The following KCNH3 variants were observed in gnomAD, a reference collection of about 807,000 sequenced individuals.
KCNH3 encodes potassium voltage-gated channel subfamily H member 3.
In KCNH3, 36 loss-of-function variants were observed where a neutral mutation model predicts 95.6. The observed-to-expected ratio is 0.38, with a 90% confidence interval of 0.29 to 0.50. KCNH3 has a LOEUF of 0.50. Among genes scored for constraint, KCNH3 ranks in the 20% least tolerant of loss-of-function variants. The pLI, the probability that KCNH3 is intolerant of heterozygous loss-of-function variation, is 0.95. For synonymous variants in KCNH3, 620 were observed against 646.3 expected (o/e 0.96, Z 0.62); for missense variants, 1,030 against 1,484.1 (o/e 0.69, Z 5.03).
At chr12:49,543,621 T>G (rs1352423607) in intron 5 of KCNH3, 103 bp downstream of exon 5, 38 of 1,427,584 alleles carry the variant, frequency 2.7e-5, no homozygotes, top group Non-Finnish European at 3.5e-5. Flanking sequence ...CCCCCCTCGC[T>G]CTCTCTCATT....
chr12:49,541,670 G>A lies in KCNH3; in HGVS notation c.351G>A (p.Lys117=). Residue 117 remains lysine, a synonymous_variant, in exon 3 of 15, where the codon AAG becomes AAA. Transcript: ENST00000257981. ...GTCTCCTGGATGTGATACCCATAAA[G>A]AATGAGAAAGGGGAGGTGGCTCTCT... ...FWCLLDVIPI[K]NEKGEVALFL... 6.2e-7 allele frequency: 1 copy of A among 1,614,224 alleles called. No individual in the cohort carries two copies. The highest frequency in any genetic ancestry group is 8.5e-7 in the Non-Finnish European group (1 of 1,180,048).
Position 49,542,703 on chromosome 12 carries a change from C to T in KCNH3, c.446-3C>T. ...ATCTTCATGGGCCCCTCTTCTTTCG[C>T]AGGTGGTGGCCGGCGCCGATATGGC... On this transcript the variant is annotated splice_polypyrimidine_tract_variant and splice_region_variant and intron_variant, in intron 3 of 14. Coordinates refer to ENST00000257981, the MANE Select transcript of KCNH3 (RefSeq NM_012284.3). 1 of 1,570,534 alleles carries T rather than the reference C, an allele frequency of 6.4e-7. No homozygotes were observed. Among genetic ancestry groups the T allele is most frequent in the Admixed American group, 1.9e-5 (1 of 53,812 alleles).
In KCNH3 at chr12:49,541,275, C is replaced by T. The variant is rs1382930287; in HGVS notation, c.310+143C>T. 4.3e-6 allele frequency: 3 copies of T among 693,360 alleles called. No individual in the cohort carries two copies. The African/African-American group carries it at 5.3e-5, about 12-fold the overall frequency. The allele number at this position is 693,360 out of a possible 1,614,324, so 43.0% of individuals were successfully genotyped here. A position where few individuals can be genotyped will look rare whatever the true frequency, so the allele number is the denominator to read the frequency against. On this transcript the variant is annotated intron_variant, in intron 2 of 14. Transcript: ENST00000257981. The stretch of plus-strand genomic sequence containing the variant: ...CCATCTTCCCATCCCCCCATCCAAC[C>T]CCTCTTGCTCCATCCCACCTCTTGC...
Position 49,555,891 on chromosome 12 carries a change from C to T in KCNH3, c.2408C>T (p.Ala803Val). 6.2e-7 allele frequency: 1 copy of T among 1,604,176 alleles called. No individual in the cohort carries two copies. Among genetic ancestry groups the T allele is most frequent in the Non-Finnish European group, 8.5e-7 (1 of 1,174,362 alleles). Residue 803 changes from alanine (A) to valine (V), a missense_variant, in exon 12 of 15, where the codon GCC becomes GTC. Ala to Val is a moderately conservative substitution (Grantham distance 64). This residue lies in a region of KCNH3 where 464 missense variants were observed against 493.2 expected (regional missense o/e 0.94). Coordinates refer to ENST00000257981, the MANE Select transcript of KCNH3 (RefSeq NM_012284.3). ...GCTGGCCCCTCTGCTCCCCCACGGG[C>T]CCTAGAGGGGCTACGGCTGCCCCCC... ...AEAGPSAPPR[A>V]LEGLRLPPMP...
intron 3 of KCNH3, 33 bp from the exon 4 acceptor site, chr12:49,542,673 C>G (rs998488050): frequency 1.3e-6 from 2 of 1,546,122 alleles, no homozygotes; most frequent in Admixed American, 2.0e-5. Flanking sequence ...GGGCACACAC[C>G]CATCATCTTC....
At chr12:49,541,280 T>C in intron 2 of KCNH3, 148 bp downstream of exon 2, 2 of 690,074 alleles carry the variant, frequency 2.9e-6, no homozygotes, top group East Asian at 5.5e-5. Context: ...CCAACCCCTC[T>C]TGCTCCATCC....
chr12:49,553,550 C>T lies in KCNH3; in HGVS notation c.1919-787C>T, dbSNP rs1351692863. Among the ~76,000 whole-genome samples the T allele has an allele frequency of 2.0e-5, 3 of 152,248 alleles. No individual in the cohort carries two copies. In the East Asian group the frequency reaches 5.8e-4, roughly 29 times the overall value. On this transcript the variant is annotated intron_variant, in intron 10 of 14. Coordinates refer to ENST00000257981, the MANE Select transcript of KCNH3 (RefSeq NM_012284.3). Reference sequence around the variant, plus strand: ...AACTCTAATTTAGCCTCAACATGTCCCTGGACAGACACACCCTATTTCATT... The same window carrying T: ...AACTCTAATTTAGCCTCAACATGTCTCTGGACAGACACACCCTATTTCATT...
At chr12:49,554,304 C>T (rs747556083) in intron 10 of KCNH3, 33 bp from the exon 11 acceptor site, 1 of 1,571,292 alleles carries the variant, frequency 6.4e-7, no homozygotes, top group Non-Finnish European at 8.7e-7. Context: ...CTGAAGCTCT[C>T]AGGGCTTGCT....
chr12:49,554,960 A>G (rs1938383149), intron 11 of KCNH3, among the ~76,000 whole-genome samples: 1 of 152,080 alleles, frequency 6.6e-6, no homozygotes, highest in South Asian at 2.1e-4. Flanking sequence ...GATTGTTCTG[A>G]GGGGCTTTTG....
At chr12:49,541,857 C>A in intron 3 of KCNH3, 93 bp downstream of exon 3, 1 of 1,358,922 alleles carries the variant, frequency 7.4e-7, no homozygotes, top group Non-Finnish European at 1.0e-6. Flanking sequence ...GTCCCCCATG[C>A]ACCTGCATTC....
rs1329366200 is a variant in KCNH3 at position 49,554,479 on chromosome 12, G to A, written c.2061G>A (p.Glu687=). 1.6e-5 allele frequency: 26 copies of A among 1,613,604 alleles called. No homozygotes were observed. Among genetic ancestry groups the A allele is most frequent in the Non-Finnish European group, 2.1e-5 (25 of 1,180,040 alleles). ...ACGACAGCCTTGCGCTGTACCCCGA[G>A]TTTGCCCCGCGCTTCAGTCGTGGCC... ...GLHDSLALYP[E]FAPRFSRGLR... The change falls in exon 11 of 15, where the codon GAG becomes GAA. Residue 687 remains glutamate, a synonymous_variant. Coordinates refer to ENST00000257981, the MANE Select transcript of KCNH3 (RefSeq NM_012284.3).
chr12:49,555,179 G>A (rs771475090), intron 11 of KCNH3, among the ~76,000 whole-genome samples: 1 of 151,668 alleles, frequency 6.6e-6, no homozygotes, highest in African/African-American at 2.4e-5. Context: ...GGTGGCCCAC[G>A]CCTGTAATCC....
chr12:49,557,766 A>C lies in KCNH3; in HGVS notation c.3065A>C (p.Glu1022Ala), dbSNP rs1001957715. Reference sequence around the variant, plus strand: ...ACCCCTGCCTCCCCTCCTCCTTCTGAGGAAGGGGCTAGGACTGGGCCCGCA... The same window carrying C: ...ACCCCTGCCTCCCCTCCTCCTTCTGCGGAAGGGGCTAGGACTGGGCCCGCA... ...PSTPASPPPS[E>A]EGARTGPAEP... Residue 1022 changes from glutamate to alanine, a missense_variant, in exon 15 of 15, where the codon GAG (glutamate) becomes GCG (alanine). Glu to Ala is a moderately radical substitution (Grantham distance 107). Around this residue, in one of 9 missense-constraint regions of KCNH3, gnomAD observed 464 missense variants for 493.2 expected, o/e 0.94. Transcript: ENST00000257981. 1 of 1,612,474 alleles carries C rather than the reference A, an allele frequency of 6.2e-7. No individual in the cohort carries two copies. The highest frequency in any genetic ancestry group is 8.5e-7 in the Non-Finnish European group (1 of 1,179,490).
chr12:49,541,189 C>A, intron 2 of KCNH3, 57 bp downstream of exon 2: 1 of 1,277,516 alleles, frequency 7.8e-7, no homozygotes, highest in Non-Finnish European at 1.1e-6. Flanking sequence ...AGCCTGGCAC[C>A]AGCCCCATCC....
rs1233896068 is a variant in KCNH3 at position 49,554,456 on chromosome 12, G to A, written c.2038G>A (p.Asp680Asn). The A allele has an allele frequency of 3.7e-6, 6 of 1,613,324 alleles. No homozygotes were observed. The highest frequency in any genetic ancestry group is 5.1e-6 in the Non-Finnish European group (6 of 1,180,048). ...LQCLQLAGLH[D>N]SLALYPEFAP... Reference sequence around the variant, plus strand: ...GTGTCTGCAGCTGGCTGGCCTGCACGACAGCCTTGCGCTGTACCCCGAGTT... The same window carrying A: ...GTGTCTGCAGCTGGCTGGCCTGCACAACAGCCTTGCGCTGTACCCCGAGTT... The change falls in exon 11 of 15, where the codon GAC becomes AAC. Residue 680 changes from aspartate to asparagine, a missense_variant. This residue lies in a region of KCNH3 where 160 missense variants were observed against 316.2 expected (regional missense o/e 0.51). Coordinates refer to ENST00000257981, the MANE Select transcript of KCNH3 (RefSeq NM_012284.3).
At chr12:49,553,441 A>C (rs1456644556) in intron 10 of KCNH3, among the ~76,000 whole-genome samples, 1 of 152,052 alleles carries the variant, frequency 6.6e-6, no homozygotes, top group Non-Finnish European at 1.5e-5. Flanking sequence ...GGCAGGAATG[A>C]TTTATAGGGG....
At chr12:49,540,864 A>C (rs1592496676) in intron 1 of KCNH3, 35 bp from the exon 2 acceptor site, 1 of 1,572,286 alleles carries the variant, frequency 6.4e-7, no homozygotes, top group African/African-American at 1.3e-5. Context: ...CTGCCCCTTC[A>C]CCCCACGCCT....
chr12:49,541,155 T>G, intron 2 of KCNH3, 23 bp downstream of exon 2: 1 of 1,573,230 alleles, frequency 6.4e-7, no homozygotes, highest in Non-Finnish European at 8.6e-7. Flanking sequence ...CTGGCCAGCC[T>G]GCCTCACCTT....
At position 49,555,960 on chromosome 12, in the gene KCNH3, A is replaced by C. The variant is rs1217575246; in HGVS notation, c.2468+9A>C. On this transcript the variant is annotated intron_variant, in intron 12 of 14. Coordinates refer to ENST00000257981, the MANE Select transcript of KCNH3 (RefSeq NM_012284.3). The stretch of plus-strand genomic sequence containing the variant: ...CCAGATCTGAGCCCCAGGTGAGCAG[A>C]CCCTAGGCCCCCGTGGCAGAGATGG... 1 of 1,382,424 alleles carries C rather than the reference A, an allele frequency of 7.2e-7. No individual in the cohort carries two copies. Among genetic ancestry groups the C allele is most frequent in the Non-Finnish European group, 1.0e-6 (1 of 1,001,970 alleles). 85.6% of individuals were successfully genotyped at this position (1,382,424 alleles called of 1,614,324 possible).
Sources: gnomAD v4.1 joint callset for allele counts (sites outside exome capture counted in the v4.1 genomes callset) on GRCh38, gnomAD v4.1.1 for gene constraint, gnomAD v4.1.1 regional missense constraint, MANE v1.5 for transcripts, NCBI Gene and HGNC (gene_info 2026-07-23, HGNC 2026-07-21) for gene names.